CNTN5: variants seen among roughly 807,000 people sequenced by gnomAD.
The protein encoded by CNTN5 is contactin 5.
A neutral mutation model predicts 129.1 loss-of-function variants in CNTN5; 77 were observed. The ratio of observed to expected loss-of-function variants is 0.60; its 90% confidence interval spans 0.50 to 0.72. CNTN5 has a LOEUF of 0.72. Ranked by LOEUF, CNTN5 falls within the 30% of genes least tolerant of loss-of-function variation. The pLI, the probability that CNTN5 is intolerant of heterozygous loss-of-function variation, is 0.00. For synonymous variants in CNTN5, 509 were observed against 465.6 expected (o/e 1.09, Z -1.20); for missense variants, 1,478 against 1,328.8 (o/e 1.11, Z -1.75).
At chr11:99,997,261 A>G (rs1446825142) in intron 8 of CNTN5, among the ~76,000 whole-genome samples, 3 of 152,028 alleles carry the variant, frequency 2.0e-5, no homozygotes, top group African/African-American at 7.3e-5. Flanking sequence ...GATTTTAGTT[A>G]TATCTTGCCT....
intron 9 of CNTN5, among the ~76,000 whole-genome samples, chr11:100,011,204 T>C (rs938305619): frequency 3.3e-5 from 5 of 152,142 alleles, no homozygotes; most frequent in African/African-American, 1.2e-4. Context: ...TATAGTTTTC[T>C]GGCAAGTTTC....
intron 1 of CNTN5, among the ~76,000 whole-genome samples, chr11:99,151,274 A>G (rs1860042102): frequency 6.6e-6 from 1 of 152,060 alleles, no homozygotes; most frequent in Non-Finnish European, 1.5e-5. Flanking sequence ...GTGTGTGTAC[A>G]TGCATTTGTG....
intron 3 of CNTN5, among the ~76,000 whole-genome samples, chr11:99,609,513 A>T (rs541158020): frequency 2.5e-4 from 38 of 152,118 alleles, no homozygotes; most frequent in Admixed American, 1.4e-3. Context: ...GCCGTGGAAC[A>T]CACAGAAGTC....
chr11:99,252,217 CT>C (rs1862143508), intron 1 of CNTN5, among the ~76,000 whole-genome samples: 1 of 151,902 alleles, frequency 6.6e-6, no homozygotes, highest in South Asian at 2.1e-4. Flanking sequence ...CGTATACACC[CT>C]TTTTATGCGG....
intron 3 of CNTN5, among the ~76,000 whole-genome samples, chr11:99,649,268 T>C (rs1051447220): frequency 2.6e-5 from 4 of 151,766 alleles, no homozygotes; most frequent in Admixed American, 2.0e-4. Context: ...ATTACTTCTA[T>C]TAATTTAAAC....
chr11:100,291,744 A>C (rs1297186984), intron 18 of CNTN5, among the ~76,000 whole-genome samples: 1 of 145,844 alleles, frequency 6.9e-6, no homozygotes, highest in Non-Finnish European at 1.5e-5. Context: ...TAAAACGTAA[A>C]GTATAATAAT....
intron 1 of CNTN5, among the ~76,000 whole-genome samples, chr11:99,190,226 G>T (rs1337455865): frequency 6.6e-6 from 1 of 151,504 alleles, no homozygotes; most frequent in African/African-American, 2.4e-5. Context: ...TTATTTCTGG[G>T]GTTTCTATTC....
At chr11:99,032,590 C>T (rs1863452341) in intron 1 of CNTN5, among the ~76,000 whole-genome samples, 1 of 152,178 alleles carries the variant, frequency 6.6e-6, no homozygotes, top group Admixed American at 6.5e-5. Context: ...TGTTCATGTC[C>T]TTCACCCACT....
intron 13 of CNTN5, among the ~76,000 whole-genome samples, chr11:100,155,519 A>G (rs1186861713): frequency 6.6e-6 from 1 of 152,042 alleles, no homozygotes; most frequent in Admixed American, 6.6e-5. Context: ...TTTTTTGTTC[A>G]TATGAAATTT....
chr11:100,028,234 A>G (rs1026712626), intron 9 of CNTN5, among the ~76,000 whole-genome samples: 6 of 152,206 alleles, frequency 3.9e-5, no homozygotes, highest in Non-Finnish European at 5.9e-5. Flanking sequence ...CACAAGGACT[A>G]TAACTCTTCT....
chr11:99,753,649 C>T (rs1203452194), intron 3 of CNTN5, among the ~76,000 whole-genome samples: 2 of 95,670 alleles, frequency 2.1e-5, no homozygotes, highest in Admixed American at 1.3e-4. Context: ...CAAATTTTTA[C>T]TGAAAAAAAA....
intron 13 of CNTN5, among the ~76,000 whole-genome samples, chr11:100,093,286 A>C (rs1944866906): frequency 6.6e-6 from 1 of 152,046 alleles, no homozygotes; most frequent in African/African-American, 2.4e-5. Flanking sequence ...TTTTTGAGAC[A>C]GTCTTGTTCT....
chr11:99,882,731 T>C (rs959583243), intron 6 of CNTN5, among the ~76,000 whole-genome samples: 5 of 152,198 alleles, frequency 3.3e-5, no homozygotes, highest in African/African-American at 1.2e-4. Flanking sequence ...ATATTTTTAG[T>C]TATTTTTAAA....
At chr11:99,556,995 G>A (rs894670540) in intron 3 of CNTN5, among the ~76,000 whole-genome samples, 9 of 151,068 alleles carry the variant, frequency 6.0e-5, no homozygotes, top group African/African-American at 1.5e-4. Context: ...TAATTTAAGC[G>A]CTATGCATGT....
chr11:99,837,325 T>G (rs1359454007), intron 4 of CNTN5, among the ~76,000 whole-genome samples: 1 of 152,208 alleles, frequency 6.6e-6, no homozygotes, highest in Non-Finnish European at 1.5e-5. Context: ...AATTACTTCT[T>G]AACACATTAA....
chr11:100,127,184 C>G lies in CNTN5; in HGVS notation c.1580+52890C>G, dbSNP rs188965413. Among the ~76,000 whole-genome samples, 4 of 147,818 alleles carry G rather than the reference C, an allele frequency of 2.7e-5. No individual in the cohort carries two copies. The Admixed American group carries it at 2.7e-4, about 10-fold the overall frequency. On this transcript the variant is annotated intron_variant, in intron 13 of 24. Transcript: ENST00000524871. Reference sequence around the variant, plus strand: ...CAAACCTCTGGTCTCAATCTATCCACTCACGTTGGCCTCCCAAAGTGCTGG... The same window carrying G: ...CAAACCTCTGGTCTCAATCTATCCAGTCACGTTGGCCTCCCAAAGTGCTGG...
chr11:99,025,677 A>C (rs1863080608), intron 1 of CNTN5, among the ~76,000 whole-genome samples: 1 of 151,772 alleles, frequency 6.6e-6, no homozygotes, highest in Admixed American at 6.6e-5. Context: ...TGATAGTAAT[A>C]AAGTATCTGG....
At chr11:100,328,094 C>T (rs1258422141) in intron 21 of CNTN5, among the ~76,000 whole-genome samples, 4 of 151,978 alleles carry the variant, frequency 2.6e-5, no homozygotes, top group Non-Finnish European at 5.9e-5. Flanking sequence ...CTCACACCTG[C>T]AATCCCAACA....
chr11:99,807,161 A>G (rs1430085866), intron 3 of CNTN5, among the ~76,000 whole-genome samples: 2 of 152,302 alleles, frequency 1.3e-5, no homozygotes, highest in East Asian at 3.9e-4. Context: ...TAAAAAAAAG[A>G]TAATAGATCT....
Sources: gnomAD v4.1 joint callset for allele counts (sites outside exome capture counted in the v4.1 genomes callset) on GRCh38, gnomAD v4.1.1 for gene constraint, MANE v1.5 for transcripts, NCBI Gene and HGNC (gene_info 2026-07-23, HGNC 2026-07-21) for gene names.